The following UBE2V1 variants were observed in gnomAD, a reference collection of about 807,000 sequenced individuals.
UBE2V1 encodes the protein ubiquitin conjugating enzyme E2 V1.
Under a neutral mutation model 19.6 loss-of-function variants are expected in UBE2V1, and 15 were observed. That is an observed-to-expected ratio of 0.77 (90% CI 0.51 to 1.18). The LOEUF (loss-of-function observed/expected upper bound fraction) is 1.18. Among genes scored for constraint, UBE2V1 ranks in the 50% most tolerant of loss-of-function variants. The probability of loss-of-function intolerance (pLI) is 0.00; values close to 1 mark genes in which losing one functional copy is unlikely to be tolerated. For synonymous variants in UBE2V1, 60 were observed against 60.7 expected (o/e 0.99, Z 0.05); for missense variants, 125 against 184.8 (o/e 0.68, Z 1.88).
At chr20:50,100,532 C>G (rs1315041097) in intron 1 of UBE2V1, among the ~76,000 whole-genome samples, 1 of 151,616 alleles carries the variant, frequency 6.6e-6, no homozygotes, top group Non-Finnish European at 1.5e-5. Flanking sequence ...TTGCAGTGAG[C>G]TGAGGTTGCA....
At chr20:50,102,087 G>T (rs1027059054) in intron 1 of UBE2V1, among the ~76,000 whole-genome samples, 8 of 152,154 alleles carry the variant, frequency 5.3e-5, no homozygotes, top group Non-Finnish European at 1.2e-4. Context: ...TACTGCTAAC[G>T]TCTCAGGATA....
rs1051547193 is a variant in UBE2V1, at chr20:50,088,101, A to T, written c.172-3847T>A. Among the ~76,000 whole-genome samples the T allele has an allele frequency of 1.6e-4, 5 of 30,306 alleles. No individual in the cohort carries two copies. In the South Asian group the frequency reaches 3.8e-3, roughly 23 times the overall value. 19.9% of individuals were successfully genotyped at this position (30,306 alleles called of 152,430 possible). A position where few individuals can be genotyped will look rare whatever the true frequency, so the allele number is the denominator to read the frequency against. On this transcript the variant is annotated intron_variant, in intron 2 of 3. Transcript: ENST00000371674. ...ATGAGATAACCCCAGTCTAATCATT[A>T]AAAAAAAAAAAAAAAAAAGACAAAT...
At chr20:50,094,898 T>C (rs1172282890) in intron 2 of UBE2V1, 3 of 152,114 alleles carry the variant, frequency 2.0e-5, no homozygotes, top group African/African-American at 7.2e-5. Flanking sequence ...CAAAAACAAA[T>C]ACATGGAGGA....
intron 1 of UBE2V1, 43 bp downstream of exon 1, chr20:50,113,061 CAAG>C: frequency 1.1e-6 from 1 of 910,092 alleles, no homozygotes; most frequent in Non-Finnish European, 1.5e-6. Flanking sequence ...GCCCCCGGCC[CAAG>C]CCCATGCCCC....
rs2078642583 is a variant in UBE2V1 at position 50,081,472 on chromosome 20, C to T, written c.*1296G>A. Reference sequence around the variant, plus strand: ...GCAGCAATTTGCCAGGAGGTCAAGCCCACCAATTTCGGGGATCTGCTGTGC... The same window carrying T: ...GCAGCAATTTGCCAGGAGGTCAAGCTCACCAATTTCGGGGATCTGCTGTGC... On this transcript the variant is annotated 3_prime_UTR_variant, in exon 4 of 4. Coordinates refer to ENST00000371674, the MANE Select transcript of UBE2V1 (RefSeq NM_001032288.3). 6.6e-6 allele frequency: 1 copy of T among 152,574 alleles called. No homozygotes were observed. Among genetic ancestry groups the T allele is most frequent in the Admixed American group, 6.6e-5 (1 of 15,266 alleles). 9.5% of individuals were successfully genotyped at this position (152,574 alleles called of 1,614,324 possible).
At chr20:50,115,553 G>A, upstream of UBE2V1, 1 of 1,583,648 alleles carries the variant, frequency 6.3e-7, no homozygotes, top group Non-Finnish European at 8.6e-7. Flanking sequence ...CTTCAGGTAA[G>A]ACGCTTGAAC....
chr20:50,104,149 G>A (rs2080194118), intron 1 of UBE2V1, among the ~76,000 whole-genome samples: 1 of 148,924 alleles, frequency 6.7e-6, no homozygotes, highest in African/African-American at 2.6e-5. Flanking sequence ...GGGCGTGGTG[G>A]TGCGCGCCTG....
chr20:50,106,880 A>AC (rs1569017255), intron 1 of UBE2V1, among the ~76,000 whole-genome samples: 3 of 135,664 alleles, frequency 2.2e-5, no homozygotes, highest in African/African-American at 7.9e-5. Flanking sequence ...ACAACAAAAA[A>AC]AAAAAAACAA....
chr20:50,087,777 C>G (rs2079006264), intron 2 of UBE2V1, among the ~76,000 whole-genome samples: 2 of 152,152 alleles, frequency 1.3e-5, no homozygotes, highest in Non-Finnish European at 2.9e-5. Context: ...TAACTACAAT[C>G]TACATGTCTC....
chr20:50,105,763 CTA>C (rs2080314393), intron 1 of UBE2V1, among the ~76,000 whole-genome samples: 1 of 152,082 alleles, frequency 6.6e-6, no homozygotes, highest in East Asian at 1.9e-4. Flanking sequence ...AACCCCATCT[CTA>C]TTAAAAATAC....
At chr20:50,111,762 T>A (rs779541880) in intron 1 of UBE2V1, among the ~76,000 whole-genome samples, 14 of 152,196 alleles carry the variant, frequency 9.2e-5, no homozygotes, top group South Asian at 4.1e-4. Context: ...TATAAAGAAT[T>A]CCCCTCACCC....
At chr20:50,091,703 TAA>T (rs2147030641) in intron 2 of UBE2V1, among the ~76,000 whole-genome samples, 1 of 152,268 alleles carries the variant, frequency 6.6e-6, no homozygotes, top group African/African-American at 2.4e-5. Context: ...TCAAAGCTTT[TAA>T]AAAAGAGATC....
intron 1 of UBE2V1, among the ~76,000 whole-genome samples, chr20:50,112,474 C>A (rs570559168): frequency 2.6e-5 from 4 of 152,278 alleles, no homozygotes; most frequent in Admixed American, 1.3e-4. Flanking sequence ...ACTTATCATG[C>A]GGAGACCCCC....
chr20:50,098,096 G>T (rs1257485607), intron 1 of UBE2V1, among the ~76,000 whole-genome samples: 1 of 152,162 alleles, frequency 6.6e-6, no homozygotes, highest in African/African-American at 2.4e-5. Flanking sequence ...TACGGGAGGG[G>T]CTATACTTTT....
intron 1 of UBE2V1, among the ~76,000 whole-genome samples, chr20:50,108,520 C>G (rs1185536091): frequency 5.3e-5 from 8 of 152,186 alleles, no homozygotes; most frequent in Non-Finnish European, 1.2e-4. Context: ...CATCCCAGAG[C>G]ACCCAGGCTC....
chr20:50,093,774 G>A (rs2079381829), intron 2 of UBE2V1, among the ~76,000 whole-genome samples: 3 of 151,864 alleles, frequency 2.0e-5, no homozygotes, highest in Middle Eastern at 6.8e-3. Flanking sequence ...GGTAGATCAT[G>A]AGGTCAGGAG....
intron 2 of UBE2V1, among the ~76,000 whole-genome samples, chr20:50,085,157 T>G (rs1158620135): frequency 6.6e-6 from 1 of 152,100 alleles, no homozygotes; most frequent in Non-Finnish European, 1.5e-5. Flanking sequence ...CCCAAAGTGC[T>G]GGGATTACAG....
chr20:50,099,984 G>A (rs539106267), intron 1 of UBE2V1, among the ~76,000 whole-genome samples: 1 of 152,302 alleles, frequency 6.6e-6, no homozygotes, highest in East Asian at 1.9e-4. Context: ...TGTAGTCCTA[G>A]TTACTCAGGA....
chr20:50,084,185 A>AG lies in UBE2V1; in HGVS notation c.240dup (p.Phe81LeufsTer9), dbSNP rs748669969. On this transcript the variant is annotated frameshift_variant, in exon 3 of 4. Transcript: ENST00000371674. LOFTEE classifies it high-confidence loss of function. ...TTAATTTTTGTTACAAATCTTACAA[A>AG]GGGGGGTGCTTCTGGGTATTTAGGT... 1 of 1,609,008 alleles carries AG rather than the reference A, an allele frequency of 6.2e-7. No homozygotes were observed. Among genetic ancestry groups the AG allele is most frequent in the African/African-American group, 1.3e-5 (1 of 74,390 alleles).
Sources: gnomAD v4.1 joint callset for allele counts (sites outside exome capture counted in the v4.1 genomes callset) on GRCh38, gnomAD v4.1.1 for gene constraint, MANE v1.5 for transcripts, NCBI Gene and HGNC (gene_info 2026-07-23, HGNC 2026-07-21) for gene names.